PIEZO2: variants seen among roughly 807,000 people sequenced by gnomAD.
PIEZO2 encodes piezo type mechanosensitive ion channel component 2, also known as piezo-type mechanosensitive ion channel component 2.
In PIEZO2, 172 loss-of-function variants were observed where a neutral mutation model predicts 337.3. That is an observed-to-expected ratio of 0.51 (90% CI 0.45 to 0.58). The LOEUF (loss-of-function observed/expected upper bound fraction) is 0.58. Ranked by LOEUF, PIEZO2 falls within the 20% of genes least tolerant of loss-of-function variation. The probability of loss-of-function intolerance (pLI) is 0.00; values close to 1 mark genes in which losing one functional copy is unlikely to be tolerated. For missense variants in PIEZO2, 3,028 were observed against 3,391.3 expected, an observed-to-expected ratio of 0.89 and a Z score of 2.66; for synonymous variants, 1,251 against 1,228.5, an observed-to-expected ratio of 1.02 and a Z score of -0.38.
rs1435353010 is a variant in PIEZO2, at chr18:11,080,781, T to C, written c.65-14559A>G. Among the ~76,000 whole-genome samples the C allele has an allele frequency of 6.6e-6, 1 of 151,974 alleles. No homozygotes were observed. Among genetic ancestry groups the C allele is most frequent in the Admixed American group, 6.6e-5 (1 of 15,240 alleles). ...ATCGCTTGAACTCGGGAGGCGGAGG[T>C]CACGGTGAGCCAAGATGGTGCCACT... is the stretch of plus-strand genomic sequence containing the variant. On this transcript the variant is annotated intron_variant, in intron 1 of 55. Coordinates refer to ENST00000674853, the MANE Select transcript of PIEZO2 (RefSeq NM_001378183.1). The surrounding 1 kb of genome is among the most constrained non-coding windows in gnomAD (Gnocchi z 5.4).
At chr18:10,911,430 G>A (rs2030467677) in intron 3 of PIEZO2, among the ~76,000 whole-genome samples, 1 of 143,724 alleles carries the variant, frequency 7.0e-6, no homozygotes, top group African/African-American at 2.6e-5. Flanking sequence ...ATATACAGAA[G>A]TCGAGTCCAC....
chr18:11,032,680 T>C lies in PIEZO2; in HGVS notation c.160+33447A>G, dbSNP rs2036783589. Among the ~76,000 whole-genome samples, 1 of 152,246 alleles carries C rather than the reference T, an allele frequency of 6.6e-6. No homozygotes were observed. The highest frequency in any genetic ancestry group is 2.4e-5 in the African/African-American group (1 of 41,470). ...ATGCATTTCAGTTTTAAAATGTTACTGTTCACAGTAGCAGAAATCTCTCTA... is the reference window on the plus strand; with the variant it reads ...ATGCATTTCAGTTTTAAAATGTTACCGTTCACAGTAGCAGAAATCTCTCTA... On this transcript the variant is annotated intron_variant, in intron 2 of 55. Transcript: ENST00000674853. The surrounding 1 kb of genome is among the most constrained non-coding windows in gnomAD (Gnocchi z 4.9).
chr18:10,714,288 A>G lies in PIEZO2; in HGVS notation c.5423+476T>C, dbSNP rs189210709. On this transcript the variant is annotated intron_variant, in intron 39 of 55. Coordinates refer to ENST00000674853, the MANE Select transcript of PIEZO2 (RefSeq NM_001378183.1). ...GTTGTGAAACAATGCATACAATAGT[A>G]AACTCAGAGAAGATGGAAGCTAACA... 5.3e-5 allele frequency among the ~76,000 whole-genome samples: 8 copies of G among 152,332 alleles called. No individual in the cohort carries two copies. In the East Asian group the frequency reaches 1.5e-3, roughly 29 times the overall value.
intron 2 of PIEZO2, among the ~76,000 whole-genome samples, chr18:11,042,576 A>G (rs1172855041): frequency 6.6e-6 from 1 of 152,248 alleles, no homozygotes; most frequent in Non-Finnish European, 1.5e-5. Flanking sequence ...GGTGGGAGGC[A>G]GGGTGGAAAG....
intron 23 of PIEZO2, 112 bp downstream of exon 23, chr18:10,762,388 C>A: frequency 7.6e-7 from 1 of 1,320,396 alleles, no homozygotes; most frequent in Non-Finnish European, 1.0e-6. Context: ...CCAAATCCCA[C>A]ATGAGAAGAT....
chr18:11,034,746 G>A (rs1253593385), intron 2 of PIEZO2, among the ~76,000 whole-genome samples: 2 of 152,152 alleles, frequency 1.3e-5, no homozygotes, highest in Non-Finnish European at 1.5e-5. Context: ...TCGGGAGACT[G>A]AGGCAGGAGA....
chr18:10,859,574 C>T lies in PIEZO2; in HGVS notation c.493-2363G>A, dbSNP rs1304383772. ...AATGTGCTTTCTTTCTGCTGGATCACCCCTGTTAACAGGCAAGGGCGCCTT... is the reference window on the plus strand; with the variant it reads ...AATGTGCTTTCTTTCTGCTGGATCATCCCTGTTAACAGGCAAGGGCGCCTT... On this transcript the variant is annotated intron_variant, in intron 5 of 55. Transcript: ENST00000674853. The surrounding 1 kb of genome is among the most constrained non-coding windows in gnomAD (Gnocchi z 4.9). 1.3e-5 allele frequency among the ~76,000 whole-genome samples: 2 copies of T among 152,250 alleles called. No individual in the cohort carries two copies. Among genetic ancestry groups the T allele is most frequent in the Non-Finnish European group, 2.9e-5 (2 of 68,048 alleles).
rs958624685 is a variant in PIEZO2, at chr18:11,104,467, G to A, written c.65-38245C>T. Among the ~76,000 whole-genome samples, 2 of 152,166 alleles carry A rather than the reference G, an allele frequency of 1.3e-5. No individual in the cohort carries two copies. Among genetic ancestry groups the A allele is most frequent in the Non-Finnish European group, 2.9e-5 (2 of 68,044 alleles). On this transcript the variant is annotated intron_variant, in intron 1 of 55. Coordinates refer to ENST00000674853, the MANE Select transcript of PIEZO2 (RefSeq NM_001378183.1). The surrounding 1 kb of genome is among the most constrained non-coding windows in gnomAD (Gnocchi z 4.6). The stretch of plus-strand genomic sequence containing the variant: ...GAATTGGCAGCAGAGATCAATGAAC[G>A]CAGCTGCCCTTCTCTCTAGGGGTGG...
In PIEZO2 at chr18:10,779,694, C is replaced by A. The variant is rs114122156; in HGVS notation, c.2534+631G>T. On this transcript the variant is annotated intron_variant, in intron 18 of 55. Coordinates refer to ENST00000674853, the MANE Select transcript of PIEZO2 (RefSeq NM_001378183.1). ...TTTTTAAAACCATATATTGTGACTA[C>A]TTTCTTTTCATTTAGGAAATAGCTA... 3.4e-3 allele frequency among the ~76,000 whole-genome samples: 516 copies of A among 152,232 alleles called. 2 individuals are homozygous for A. The highest frequency in any genetic ancestry group is 0.012 in the African/African-American group (499 of 41,522).
At chr18:10,804,174 T>C (rs758526636) in intron 8 of PIEZO2, among the ~76,000 whole-genome samples, 180 bp from the exon 9 acceptor site, 9 of 152,272 alleles carry the variant, frequency 5.9e-5, no homozygotes, top group Non-Finnish European at 1.0e-4. Flanking sequence ...CCTGTAATTG[T>C]AAGTACACCA....
intron 18 of PIEZO2, among the ~76,000 whole-genome samples, chr18:10,774,265 G>T (rs1359437777): frequency 3.3e-5 from 5 of 152,194 alleles, no homozygotes; most frequent in African/African-American, 1.2e-4. Context: ...AGGATTGCAG[G>T]TTTGTAAAGG....
intron 28 of PIEZO2, among the ~76,000 whole-genome samples, chr18:10,751,949 T>C (rs914918964): frequency 2.6e-5 from 4 of 150,952 alleles, no homozygotes; most frequent in Non-Finnish European, 5.9e-5. Flanking sequence ...TTCTGAAACA[T>C]AGCTACTTAA....
rs2145770773 is a variant in PIEZO2 at position 11,032,849 on chromosome 18, C to T, written c.160+33278G>A. Among the ~76,000 whole-genome samples, 1 of 152,286 alleles carries T rather than the reference C, an allele frequency of 6.6e-6. No homozygotes were observed. Among genetic ancestry groups the T allele is most frequent in the South Asian group, 2.1e-4 (1 of 4,826 alleles). ...GGACCTCGCCTGTTTAAGTAGCCCACCCTAAGCATGTAACAGGCCTAATGA... is the reference window on the plus strand; with the variant it reads ...GGACCTCGCCTGTTTAAGTAGCCCATCCTAAGCATGTAACAGGCCTAATGA... On this transcript the variant is annotated intron_variant, in intron 2 of 55. Coordinates refer to ENST00000674853, the MANE Select transcript of PIEZO2 (RefSeq NM_001378183.1). This position sits in a 1 kb window ranked among gnomAD's most constrained non-coding sequence, Gnocchi z 4.9.
intron 3 of PIEZO2, among the ~76,000 whole-genome samples, chr18:10,932,493 A>C (rs1411576625): frequency 1.3e-5 from 2 of 152,246 alleles, no homozygotes; most frequent in Non-Finnish European, 2.9e-5. Context: ...TCTAAGCAGC[A>C]TATCAGTCAC....
In PIEZO2 at chr18:10,924,477, G is replaced by T. The variant is rs188937758; in HGVS notation, c.287-13249C>A. Among the ~76,000 whole-genome samples the T allele has an allele frequency of 1.4e-4, 21 of 152,248 alleles. 1 individual carries two copies. The Middle Eastern group carries it at 0.01, about 74-fold the overall frequency. ...GACTGTCCCTTAAAAATACACAAGAGAACATAAATGCAATGTCGGGGATTC... is the reference window on the plus strand; with the variant it reads ...GACTGTCCCTTAAAAATACACAAGATAACATAAATGCAATGTCGGGGATTC... On this transcript the variant is annotated intron_variant, in intron 3 of 55. Transcript: ENST00000674853.
intron 1 of PIEZO2, among the ~76,000 whole-genome samples, chr18:11,117,488 C>A (rs1440947376): frequency 6.6e-6 from 1 of 152,146 alleles, no homozygotes. Context: ...GTGTTCATTG[C>A]AACTTTTCTG....
At chr18:11,039,541 A>G (rs2037041274) in intron 2 of PIEZO2, among the ~76,000 whole-genome samples, 1 of 152,146 alleles carries the variant, frequency 6.6e-6, no homozygotes, top group Non-Finnish European at 1.5e-5. Flanking sequence ...ACTCTCCTCT[A>G]ACTGACATAT....
intron 32 of PIEZO2, 53 bp from the exon 33 acceptor site, chr18:10,741,155 T>C: frequency 1.4e-6 from 2 of 1,466,332 alleles, no homozygotes; most frequent in Non-Finnish European, 1.8e-6. Context: ...AAAACAAATT[T>C]TGAAAACCAC....
At chr18:10,898,664 G>A (rs192736271) in intron 4 of PIEZO2, among the ~76,000 whole-genome samples, 4 of 152,136 alleles carry the variant, frequency 2.6e-5, no homozygotes, top group Non-Finnish European at 5.9e-5. Flanking sequence ...AATGAGGTAA[G>A]GAAATATTGG....
Sources: allele counts gnomAD v4.1 joint callset (sites outside exome capture counted in the v4.1 genomes callset), GRCh38; gene constraint gnomAD v4.1.1; non-coding constraint Gnocchi (gnomAD v3.1); transcripts MANE v1.5; gene names NCBI Gene and HGNC (gene_info 2026-07-23, HGNC 2026-07-21).